Variants in C1orf21 observed in about 807,000 individuals in gnomAD.
The protein encoded by C1orf21 is uncharacterized protein C1orf21.
A neutral mutation model predicts 18.7 loss-of-function variants in C1orf21; 3 were observed. The ratio of observed to expected loss-of-function variants is 0.16; its 90% confidence interval spans 0.07 to 0.42. The LOEUF (loss-of-function observed/expected upper bound fraction) is 0.42. C1orf21 is among the 10% of genes least tolerant of loss of function. The probability of loss-of-function intolerance (pLI) is 0.99; values close to 1 mark genes in which losing one functional copy is unlikely to be tolerated. For synonymous variants in C1orf21, 41 were observed against 46.4 expected (o/e 0.88, Z 0.47); for missense variants, 104 against 143.6 (o/e 0.72, Z 1.41).
At chr1:184,550,455 A>G (rs572748150) in intron 3 of C1orf21, among the ~76,000 whole-genome samples, 1 of 152,234 alleles carries the variant, frequency 6.6e-6, no homozygotes, top group Non-Finnish European at 1.5e-5. Context: ...CAGGAGTTAC[A>G]GCAGTAGACC....
chr1:184,427,113 A>G (rs1326697025), intron 1 of C1orf21, among the ~76,000 whole-genome samples: 1 of 152,176 alleles, frequency 6.6e-6, no homozygotes, highest in Non-Finnish European at 1.5e-5. Context: ...ACTGGCACAA[A>G]CACTGCCAAA....
chr1:184,493,392 G>C (rs1181835114), intron 2 of C1orf21, among the ~76,000 whole-genome samples: 1 of 152,138 alleles, frequency 6.6e-6, no homozygotes, highest in Admixed American at 6.5e-5. Context: ...AAAGAGTAAG[G>C]GTGAAGTGAA....
intron 1 of C1orf21, among the ~76,000 whole-genome samples, chr1:184,466,694 T>A (rs115426663): frequency 1.3e-5 from 2 of 152,352 alleles, no homozygotes; most frequent in Non-Finnish European, 2.9e-5. Flanking sequence ...TAATCGAAGA[T>A]TTAAGTTTAA....
At chr1:184,451,074 C>T (rs59369289) in intron 1 of C1orf21, among the ~76,000 whole-genome samples, 22,426 of 152,080 alleles carry the variant, frequency 0.15, 1,710 homozygotes, top group Middle Eastern at 0.2. Flanking sequence ...GACGGCATTT[C>T]GCCATGTTGG....
chr1:184,407,463 C>T (rs1656265848), intron 1 of C1orf21, among the ~76,000 whole-genome samples: 1 of 152,176 alleles, frequency 6.6e-6, no homozygotes, highest in Non-Finnish European at 1.5e-5. Context: ...GAAAATCTCT[C>T]AGGTAAGATT....
At chr1:184,515,477 C>T (rs1287311872) in intron 3 of C1orf21, among the ~76,000 whole-genome samples, 1 of 152,108 alleles carries the variant, frequency 6.6e-6, no homozygotes, top group Non-Finnish European at 1.5e-5. Context: ...ACTCAAGAAT[C>T]ACCGGGCGTC....
intron 2 of C1orf21, among the ~76,000 whole-genome samples, chr1:184,498,324 G>C (rs1249215075): frequency 6.6e-6 from 1 of 152,302 alleles, no homozygotes; most frequent in Admixed American, 6.5e-5. Flanking sequence ...AGTCAGATGC[G>C]CATAAAGATC....
At chr1:184,439,573 A>G (rs574823040) in intron 1 of C1orf21, among the ~76,000 whole-genome samples, 115 of 152,278 alleles carry the variant, frequency 7.6e-4, no homozygotes, top group African/African-American at 2.6e-3. Context: ...TTTAGTTAAA[A>G]TAAATACTGG....
chr1:184,586,129 A>G (rs1290614688), intron 3 of C1orf21, among the ~76,000 whole-genome samples: 2 of 151,996 alleles, frequency 1.3e-5, no homozygotes, highest in Non-Finnish European at 2.9e-5. Context: ...TTATTTTTCG[A>G]CTTTTTAATA....
At chr1:184,486,154 C>T (rs901227877) in intron 2 of C1orf21, among the ~76,000 whole-genome samples, 2 of 152,312 alleles carry the variant, frequency 1.3e-5, no homozygotes, top group Middle Eastern at 6.8e-3. Context: ...AGTAAAAGTG[C>T]TCAGCCCAGT....
At chr1:184,436,492 T>C (rs533693980) in intron 1 of C1orf21, among the ~76,000 whole-genome samples, 159 of 151,996 alleles carry the variant, frequency 1.0e-3, no homozygotes, top group African/African-American at 3.8e-3. Flanking sequence ...CCTCTACTTC[T>C]GAGGCAGAGT....
At chr1:184,556,314 A>G (rs747269172) in intron 3 of C1orf21, among the ~76,000 whole-genome samples, 1 of 152,226 alleles carries the variant, frequency 6.6e-6, no homozygotes, top group African/African-American at 2.4e-5. Flanking sequence ...TACTCCTTGC[A>G]TATTATCAAA....
chr1:184,586,153 A>C (rs1181855765), intron 3 of C1orf21, among the ~76,000 whole-genome samples: 4 of 152,144 alleles, frequency 2.6e-5, no homozygotes, highest in Non-Finnish European at 1.5e-5. Flanking sequence ...ATTCTGATTG[A>C]TATGAGATAG....
At position 184,436,517 on chromosome 1, in the gene C1orf21, G is replaced by T. The variant is rs577063087; in HGVS notation, c.-124-40869G>T. ...TGAGGCAGAGTGGCATTGGAACCCA[G>T]TTCTGCCCAGCCCCCAGGAGCCCTT... On this transcript the variant is annotated intron_variant, in intron 1 of 5. Transcript: ENST00000235307. Among the ~76,000 whole-genome samples, 6 of 152,010 alleles carry T rather than the reference G, an allele frequency of 3.9e-5. No individual in the cohort carries two copies. The East Asian group carries it at 1.2e-3, about 30-fold the overall frequency.
intron 1 of C1orf21, among the ~76,000 whole-genome samples, chr1:184,439,602 A>T (rs375529863): frequency 6.6e-6 from 1 of 152,172 alleles, no homozygotes; most frequent in South Asian, 2.1e-4. Flanking sequence ...GCCTAGATTT[A>T]TTAAATACTT....
At position 184,619,653 on chromosome 1, in the gene C1orf21, C is replaced by G; in HGVS notation, c.*97C>G. 9.2e-7 allele frequency: 1 copy of G among 1,086,606 alleles called. No individual in the cohort carries two copies. The highest frequency in any genetic ancestry group is 1.4e-6 in the Non-Finnish European group (1 of 739,012). The allele number at this position is 1,086,606 out of a possible 1,614,324, so 67.3% of individuals were successfully genotyped here. A position where few individuals can be genotyped will look rare whatever the true frequency, so the allele number is the denominator to read the frequency against. On this transcript the variant is annotated 3_prime_UTR_variant, in exon 6 of 6. Coordinates refer to ENST00000235307, the MANE Select transcript of C1orf21 (RefSeq NM_030806.4). ...AAGGTCGGTTCTATTCAGCGAACAG[C>G]ACTATAGCAAAAGAAGATCGTTCCA...
intron 1 of C1orf21, among the ~76,000 whole-genome samples, chr1:184,463,257 A>G (rs1038236500): frequency 1.3e-5 from 2 of 152,054 alleles, no homozygotes; most frequent in Admixed American, 6.6e-5. Flanking sequence ...ATCTCAGGGT[A>G]GGGCTTGGGA....
chr1:184,405,730 A>C (rs566120828), intron 1 of C1orf21, among the ~76,000 whole-genome samples: 1 of 152,334 alleles, frequency 6.6e-6, no homozygotes, highest in Admixed American at 6.5e-5. Flanking sequence ...ATCTCTGTCT[A>C]TTCCTCTTTA....
Position 184,620,362 on chromosome 1 carries a change from T to C in C1orf21, c.*806T>C, listed in dbSNP as rs868507719. On this transcript the variant is annotated 3_prime_UTR_variant, in exon 6 of 6. Transcript: ENST00000235307. ...CTCCCATTCATCCAGCTCAGTGTTT[T>C]AAGATGATCCTGGGTGCAGAAGTTG... 2 of 152,718 alleles carry C rather than the reference T, an allele frequency of 1.3e-5. No homozygotes were observed. The highest frequency in any genetic ancestry group is 3.4e-3 in the Middle Eastern group (1 of 294). 9.5% of individuals were successfully genotyped at this position (152,718 alleles called of 1,614,324 possible).
Sources: gnomAD v4.1 joint callset for allele counts (sites outside exome capture counted in the v4.1 genomes callset) on GRCh38, gnomAD v4.1.1 for gene constraint, MANE v1.5 for transcripts, NCBI Gene and HGNC (gene_info 2026-07-23, HGNC 2026-07-21) for gene names.